Variants in PLCB1 observed in about 807,000 individuals in gnomAD.
PLCB1 encodes the protein 1-phosphatidylinositol 4,5-bisphosphate phosphodiesterase beta-1.
PLCB1 carries 46 observed loss-of-function variants against 161.8 expected under a neutral mutation model. The observed-to-expected ratio is 0.28, with a 90% CI of 0.22 to 0.36. The LOEUF (loss-of-function observed/expected upper bound fraction) is 0.36. Ranked by LOEUF, PLCB1 falls within the 10% of genes least tolerant of loss-of-function variation. PLCB1 has a pLI of 1.00. For synonymous variants in PLCB1, 517 were observed against 503.7 expected (o/e 1.03, Z -0.35); for missense variants, 1,016 against 1,472.5 (o/e 0.69, Z 5.07).
In PLCB1 at chr20:8,384,976, A is replaced by G. The variant is rs533230006; in HGVS notation, c.246+13526A>G. On this transcript the variant is annotated intron_variant, in intron 3 of 31. Transcript: ENST00000338037. ...GGATCGCTCCTGTATAGGGTGTCTG[A>G]CAACCACGTTGGAGGGTCTTACCCA... Among the ~76,000 whole-genome samples the G allele has an allele frequency of 2.0e-5, 3 of 152,292 alleles. No individual in the cohort carries two copies. In the East Asian group the frequency reaches 5.8e-4, roughly 29 times the overall value.
intron 2 of PLCB1, among the ~76,000 whole-genome samples, chr20:8,167,132 T>C (rs73895539): frequency 0.012 from 1,843 of 152,230 alleles, 40 homozygotes; most frequent in African/African-American, 0.04. Context: ...AACACAGATT[T>C]GGAAAGTGAA....
chr20:8,659,863 A>G (rs374474367), intron 9 of PLCB1, among the ~76,000 whole-genome samples: 1 of 151,938 alleles, frequency 6.6e-6, no homozygotes, highest in African/African-American at 2.4e-5. Flanking sequence ...ATGATGGCGC[A>G]TGCCTGTAGT....
chr20:8,195,720 A>G (rs1003972200), intron 2 of PLCB1, among the ~76,000 whole-genome samples: 6 of 152,116 alleles, frequency 3.9e-5, no homozygotes, highest in African/African-American at 1.4e-4. Flanking sequence ...AATCTGTGAC[A>G]GTTCCTTAGT....
intron 10 of PLCB1, among the ~76,000 whole-genome samples, chr20:8,689,367 C>A (rs1990423867): frequency 6.6e-6 from 1 of 152,124 alleles, no homozygotes; most frequent in Non-Finnish European, 1.5e-5. Flanking sequence ...CTGGCCAAGA[C>A]TTCCAGTACT....
At chr20:8,381,705 T>C (rs1987258438) in intron 3 of PLCB1, among the ~76,000 whole-genome samples, 1 of 152,246 alleles carries the variant, frequency 6.6e-6, no homozygotes, top group African/African-American at 2.4e-5. Context: ...TATTCATTTC[T>C]TCTAGATTTT....
At chr20:8,170,771 T>C (rs1357387437) in intron 2 of PLCB1, among the ~76,000 whole-genome samples, 2 of 152,194 alleles carry the variant, frequency 1.3e-5, no homozygotes, top group Non-Finnish European at 2.9e-5. Flanking sequence ...CTGAGCCATA[T>C]GAAACAGCCA....
chr20:8,667,831 T>G (rs1989850293), intron 9 of PLCB1, among the ~76,000 whole-genome samples: 1 of 152,208 alleles, frequency 6.6e-6, no homozygotes, highest in African/African-American at 2.4e-5. Flanking sequence ...TGCCATTTCA[T>G]GGGAGAGCTA....
At chr20:8,620,783 A>G (rs1031871257) in intron 3 of PLCB1, among the ~76,000 whole-genome samples, 11 of 151,636 alleles carry the variant, frequency 7.3e-5, no homozygotes, top group African/African-American at 2.7e-4. Flanking sequence ...AAGAAAAGAA[A>G]CAGAATACAG....
chr20:8,784,264 TTC>T (rs1222120396), intron 27 of PLCB1, among the ~76,000 whole-genome samples: 2 of 152,074 alleles, frequency 1.3e-5, no homozygotes. Flanking sequence ...AGTGAGGGTC[TTC>T]TGAAAACTAG....
intron 22 of PLCB1, 118 bp downstream of exon 22, chr20:8,740,566 C>T: frequency 1.9e-6 from 1 of 514,276 alleles, no homozygotes; most frequent in Non-Finnish European, 3.4e-6. Flanking sequence ...ATTCTGGCTT[C>T]AGAATCACCC....
chr20:8,258,873 A>G (rs990711716), intron 2 of PLCB1, among the ~76,000 whole-genome samples: 18 of 152,134 alleles, frequency 1.2e-4, no homozygotes, highest in Non-Finnish European at 2.5e-4. Context: ...AGTCTTAACA[A>G]TTCTATACAT....
At chr20:8,149,968 A>G (rs550258529) in intron 1 of PLCB1, among the ~76,000 whole-genome samples, 2 of 152,264 alleles carry the variant, frequency 1.3e-5, no homozygotes, top group Admixed American at 6.5e-5. Flanking sequence ...AATATTAATC[A>G]TAAAAATAAG....
intron 1 of PLCB1, among the ~76,000 whole-genome samples, chr20:8,143,257 C>T (rs1195957528): frequency 1.3e-5 from 2 of 152,112 alleles, no homozygotes; most frequent in Non-Finnish European, 2.9e-5. Context: ...TCTTCTCAGC[C>T]TTCCAAAGTC....
At chr20:8,289,809 C>T (rs1421022422) in intron 2 of PLCB1, among the ~76,000 whole-genome samples, 1 of 152,164 alleles carries the variant, frequency 6.6e-6, no homozygotes, top group Non-Finnish European at 1.5e-5. Context: ...GTTTCTCTTC[C>T]AGCCTCCCAT....
At chr20:8,345,361 A>G (rs998029078) in intron 2 of PLCB1, among the ~76,000 whole-genome samples, 20 of 152,186 alleles carry the variant, frequency 1.3e-4, no homozygotes, top group African/African-American at 4.6e-4. Flanking sequence ...GTCCTCAGCG[A>G]ATGACCCTAA....
chr20:8,148,638 GA>G (rs1211610921), intron 1 of PLCB1, among the ~76,000 whole-genome samples: 1 of 152,126 alleles, frequency 6.6e-6, no homozygotes, highest in Non-Finnish European at 1.5e-5. Context: ...CCAAAAGGTG[GA>G]AACAACCTAG....
intron 17 of PLCB1, among the ~76,000 whole-genome samples, chr20:8,728,814 A>G (rs1038848939): frequency 5.9e-5 from 9 of 152,016 alleles, no homozygotes; most frequent in African/African-American, 2.2e-4. Flanking sequence ...AGCTTTTTGC[A>G]TATTTGATAT....
At chr20:8,285,941 A>AT (rs1001535919) in intron 2 of PLCB1, among the ~76,000 whole-genome samples, 52 of 152,094 alleles carry the variant, frequency 3.4e-4, no homozygotes, top group African/African-American at 1.3e-3. Flanking sequence ...TATTGATGGT[A>AT]TTTTTTCAGG....
intron 2 of PLCB1, among the ~76,000 whole-genome samples, chr20:8,311,783 C>G (rs1000841859): frequency 7.2e-5 from 11 of 152,236 alleles, no homozygotes; most frequent in Admixed American, 6.5e-4. Context: ...CTGAGGCAGT[C>G]AAATCTTGTG....
Sources: gnomAD v4.1 joint callset for allele counts (sites outside exome capture counted in the v4.1 genomes callset) on GRCh38, gnomAD v4.1.1 for gene constraint, MANE v1.5 for transcripts, NCBI Gene and HGNC (gene_info 2026-07-23, HGNC 2026-07-21) for gene names.